Variants in KCNC4 observed in about 807,000 individuals in gnomAD.
The protein encoded by KCNC4 is voltage-gated potassium channel KCNC4.
Under a neutral mutation model 42.8 loss-of-function variants are expected in KCNC4, and 23 were observed. The observed-to-expected ratio is 0.54, with a 90% CI of 0.39 to 0.76. The LOEUF is 0.76. Ranked by LOEUF, KCNC4 falls within the 30% of genes least tolerant of loss-of-function variation. The probability of loss-of-function intolerance (pLI) is 0.00; values close to 1 mark genes in which losing one functional copy is unlikely to be tolerated. For synonymous variants in KCNC4, 422 were observed against 393.5 expected, an observed-to-expected ratio of 1.07 and a Z score of -0.86; for missense variants, 751 against 898.2, an observed-to-expected ratio of 0.84 and a Z score of 2.10.
chr1:110,227,008 C>T (rs1357065922), intron 3 of KCNC4, among the ~76,000 whole-genome samples: 1 of 152,200 alleles, frequency 6.6e-6, no homozygotes, highest in Non-Finnish European at 1.5e-5. Flanking sequence ...GGCCCTCCTA[C>T]CCAGTTTTCG....
intron 1 of KCNC4, among the ~76,000 whole-genome samples, chr1:110,260,020 A>C (rs1254601708): frequency 6.6e-6 from 1 of 152,246 alleles, no homozygotes; most frequent in Non-Finnish European, 1.5e-5. Context: ...AGGCCTGGGC[A>C]TGCATCTCAG....
Position 110,212,115 on chromosome 1 carries a change from C to G in KCNC4, c.616C>G (p.Arg206Gly). 1 of 1,503,332 alleles carries G rather than the reference C, an allele frequency of 6.7e-7. No homozygotes were observed. The highest frequency in any genetic ancestry group is 8.8e-7 in the Non-Finnish European group (1 of 1,141,452). The allele number at this position is 1,503,332 out of a possible 1,614,324, so 93.1% of individuals were successfully genotyped here. ...CCATGGCGCCGGGTCTGGGGGCTGC[C>G]GCGGCTGGCAGCCCCGCATGTGGGC... The part of the protein sequence containing the change: ...AGHGAGSGGC[R>G]GWQPRMWALF... The change falls in exon 1 of 4, where the codon CGC (arginine) becomes GGC (glycine). Residue 206 changes from arginine to glycine, a missense_variant. Physicochemically the swap from Arg to Gly is moderately radical, Grantham distance 125. Around this residue, in one of 4 missense-constraint regions of KCNC4, gnomAD observed 181 missense variants for 167.3 expected, o/e 1.08. Coordinates refer to ENST00000438661, the MANE Select transcript of KCNC4 (RefSeq NM_001039574.3).
chr1:110,212,959 C>T (rs937387433), intron 1 of KCNC4, among the ~76,000 whole-genome samples: 1 of 151,982 alleles, frequency 6.6e-6, no homozygotes, highest in Non-Finnish European at 1.5e-5. Context: ...TTTTTGTTGC[C>T]GCTTCTTTTC....
chr1:110,276,033 T>TG (rs1185516350), intron 1 of KCNC4, among the ~76,000 whole-genome samples: 1 of 150,556 alleles, frequency 6.6e-6, no homozygotes, highest in African/African-American at 2.4e-5. Flanking sequence ...TTATCTTAAG[T>TG]GAAAAAAACT....
At chr1:110,215,152 A>T (rs955567302) in intron 1 of KCNC4, among the ~76,000 whole-genome samples, 1 of 152,238 alleles carries the variant, frequency 6.6e-6, no homozygotes, top group Non-Finnish European at 1.5e-5. Context: ...GCAAAACGAT[A>T]CAAATGGAAA....
chr1:110,244,954 G>C (rs705293), exon 4 of KCNC4: 112,866 of 152,220 alleles, frequency 0.74, 42,091 homozygotes, highest in Non-Finnish European at 0.76. Context: ...GATCCTGTGT[G>C]CCTCCTACTT....
downstream of KCNC4, among the ~76,000 whole-genome samples, chr1:110,249,811 A>T (rs1256310717): frequency 6.6e-6 from 1 of 152,188 alleles, no homozygotes; most frequent in Non-Finnish European, 1.5e-5. Context: ...ACATTCACAT[A>T]TTGTGCAACC....
At chr1:110,260,750 G>A (rs1490510220) in intron 1 of KCNC4, among the ~76,000 whole-genome samples, 2 of 152,152 alleles carry the variant, frequency 1.3e-5, no homozygotes, top group Non-Finnish European at 2.9e-5. Context: ...CTAACACGGT[G>A]AAACCCCATC....
At chr1:110,225,567 G>C (rs2784148) in intron 2 of KCNC4, 106,654 of 168,128 alleles carry the variant, frequency 0.63, 34,944 homozygotes, top group African/African-American at 0.8. Flanking sequence ...ACCCCTCACC[G>C]CTAGCAAGCC....
intron 1 of KCNC4, among the ~76,000 whole-genome samples, chr1:110,274,411 T>A (rs1659683643): frequency 6.6e-6 from 1 of 152,150 alleles, no homozygotes; most frequent in South Asian, 2.1e-4. Flanking sequence ...TTGAAAGAAT[T>A]AATATTGTTA....
At chr1:110,250,328 C>T (rs1454044127), downstream of KCNC4, among the ~76,000 whole-genome samples, 2 of 152,180 alleles carry the variant, frequency 1.3e-5, no homozygotes, top group African/African-American at 2.4e-5. Context: ...TGTATCTTGC[C>T]CTACTGCCTT....
At chr1:110,220,726 A>G (rs1182126794) in intron 1 of KCNC4, 1 of 152,218 alleles carries the variant, frequency 6.6e-6, no homozygotes, top group Non-Finnish European at 1.5e-5. Flanking sequence ...GGCCACGGCC[A>G]CGGACAGGCA....
chr1:110,267,606 T>C (rs374363613), intron 1 of KCNC4, among the ~76,000 whole-genome samples: 1 of 152,228 alleles, frequency 6.6e-6, no homozygotes, highest in African/African-American at 2.4e-5. Flanking sequence ...TTAGCCATCA[T>C]CTTATTCTGT....
intron 1 of KCNC4, among the ~76,000 whole-genome samples, chr1:110,214,147 C>T (rs1054692580): frequency 1.3e-5 from 2 of 152,202 alleles, no homozygotes; most frequent in Non-Finnish European, 2.9e-5. Flanking sequence ...GTGCTTTGCC[C>T]CTTTGACATG....
chr1:110,281,553 AAAACACACACACACAC>A (rs1255894219), intron 1 of KCNC4, among the ~76,000 whole-genome samples: 7 of 117,710 alleles, frequency 5.9e-5, no homozygotes, highest in African/African-American at 2.2e-4. Context: ...CACATATGTA[AAAACACACACACACAC>A]ACACACACAC....
intron 1 of KCNC4, among the ~76,000 whole-genome samples, chr1:110,259,341 T>A (rs747097932): frequency 2.0e-5 from 3 of 152,208 alleles, no homozygotes; most frequent in Non-Finnish European, 4.4e-5. Flanking sequence ...CAAGGATCAG[T>A]CTATTCCATA....
At chr1:110,239,001 C>G (rs945039740), downstream of KCNC4, 1 of 152,220 alleles carries the variant, frequency 6.6e-6, no homozygotes, top group Non-Finnish European at 1.5e-5. Flanking sequence ...GAGCCTCCTC[C>G]CAGGTCTCCC....
At chr1:110,268,112 A>G (rs907133810) in intron 1 of KCNC4, among the ~76,000 whole-genome samples, 3 of 152,158 alleles carry the variant, frequency 2.0e-5, no homozygotes, top group Non-Finnish European at 4.4e-5. Flanking sequence ...ACTTCCCCAT[A>G]TGTATCTGAG....
At chr1:110,244,444 GTC>G (rs1199298477) in exon 4 of KCNC4, 1 of 152,220 alleles carries the variant, frequency 6.6e-6, no homozygotes, top group African/African-American at 2.4e-5. Flanking sequence ...GGCCCTGCCT[GTC>G]TCAGCTCAAA....
Sources: allele counts gnomAD v4.1 joint callset (sites outside exome capture counted in the v4.1 genomes callset), GRCh38; gene constraint gnomAD v4.1.1; regional missense constraint gnomAD v4.1.1; transcripts MANE v1.5; gene names NCBI Gene and HGNC (gene_info 2026-07-23, HGNC 2026-07-21).